MARCHF1: variants seen among roughly 807,000 people sequenced by gnomAD.
The protein encoded by MARCHF1 is E3 ubiquitin-protein ligase MARCHF1.
A neutral mutation model predicts 54.2 loss-of-function variants in MARCHF1; 40 were observed. The observed-to-expected ratio is 0.74, with a 90% CI of 0.57 to 0.96. The LOEUF is 0.96. Ranked by LOEUF, MARCHF1 falls within the 40% of genes least tolerant of loss-of-function variation. MARCHF1 has a pLI of 0.00. For missense variants in MARCHF1, 586 were observed against 656.5 expected, an observed-to-expected ratio of 0.89 and a Z score of 1.17; for synonymous variants, 236 against 236.3, an observed-to-expected ratio of 1.00 and a Z score of 0.01.
chr4:163,742,986 A>C (rs1746253273), intron 4 of MARCHF1, among the ~76,000 whole-genome samples: 1 of 152,224 alleles, frequency 6.6e-6, no homozygotes, highest in South Asian at 2.1e-4. Context: ...GAAACTAAAA[A>C]ATTGACATTT....
chr4:164,351,398 C>T (rs548716456), intron 1 of MARCHF1, among the ~76,000 whole-genome samples: 36 of 151,192 alleles, frequency 2.4e-4, no homozygotes, highest in Admixed American at 1.4e-3. Flanking sequence ...GTTCTCCCAG[C>T]AGGCAGCTGG....
intron 1 of MARCHF1, among the ~76,000 whole-genome samples, chr4:164,213,312 A>C (rs1276771283): frequency 6.6e-6 from 1 of 151,218 alleles, no homozygotes; most frequent in African/African-American, 2.4e-5. Context: ...CTGCTCACTG[A>C]AAGCTCCGCC....
At chr4:163,964,944 A>C (rs976362541) in intron 3 of MARCHF1, among the ~76,000 whole-genome samples, 3 of 152,030 alleles carry the variant, frequency 2.0e-5, no homozygotes, top group African/African-American at 7.2e-5. Context: ...GTATCTAACA[A>C]TTTTTAAGTA....
Position 164,159,064 on chromosome 4 carries a change from A to G in MARCHF1, c.-322-47402T>C, listed in dbSNP as rs116844279. Among the ~76,000 whole-genome samples, 150 of 152,310 alleles carry G rather than the reference A, an allele frequency of 9.8e-4. 4 individuals are homozygous for G. In the East Asian group the frequency reaches 0.026, roughly 27 times the overall value. On this transcript the variant is annotated intron_variant, in intron 1 of 9. Transcript: ENST00000514618. ...AGAACACAGGCTCTGCAATTAGACA[A>G]ACTTTTCTATTTCATGATTGACTTG...
At chr4:164,042,982 TCC>T (rs1196289178) in intron 2 of MARCHF1, among the ~76,000 whole-genome samples, 2 of 152,200 alleles carry the variant, frequency 1.3e-5, no homozygotes, top group Non-Finnish European at 2.9e-5. Context: ...AGGAGGGGGC[TCC>T]TAAGGCCTTG....
intron 8 of MARCHF1, among the ~76,000 whole-genome samples, chr4:163,554,526 G>A (rs1205851043): frequency 6.6e-6 from 1 of 152,196 alleles, no homozygotes; most frequent in Non-Finnish European, 1.5e-5. Flanking sequence ...AGAGAGGCTT[G>A]GAGCGAAGCA....
chr4:164,045,531 A>T (rs1442442784), intron 2 of MARCHF1, among the ~76,000 whole-genome samples: 1 of 151,364 alleles, frequency 6.6e-6, no homozygotes, highest in East Asian at 1.9e-4. Context: ...AAATAAATAA[A>T]TAAATAAATA....
chr4:163,922,603 A>G (rs1354194492), intron 3 of MARCHF1, among the ~76,000 whole-genome samples: 1 of 152,180 alleles, frequency 6.6e-6, no homozygotes, highest in East Asian at 1.9e-4. Flanking sequence ...GAGCAATTTG[A>G]TTACTTAGGT....
chr4:163,929,549 C>T (rs992722446), intron 3 of MARCHF1, among the ~76,000 whole-genome samples: 2 of 151,542 alleles, frequency 1.3e-5, no homozygotes, highest in African/African-American at 2.4e-5. Flanking sequence ...TATTTTTTTT[C>T]CCTTCATCAG....
chr4:164,030,812 T>A (rs545693895), intron 2 of MARCHF1, among the ~76,000 whole-genome samples: 1 of 152,152 alleles, frequency 6.6e-6, no homozygotes, highest in Admixed American at 6.5e-5. Context: ...GGGAGGAAAT[T>A]TTTACTGAGA....
intron 3 of MARCHF1, among the ~76,000 whole-genome samples, chr4:163,868,399 C>T (rs1054851423): frequency 6.6e-6 from 1 of 151,864 alleles, no homozygotes; most frequent in African/African-American, 2.4e-5. Context: ...CTGCAAATCT[C>T]TTTAAATACA....
At chr4:164,100,898 G>T (rs1474686040) in intron 2 of MARCHF1, among the ~76,000 whole-genome samples, 1 of 152,154 alleles carries the variant, frequency 6.6e-6, no homozygotes, top group Non-Finnish European at 1.5e-5. Flanking sequence ...CAGGTCAGTG[G>T]GTGCGCGCAC....
At chr4:163,718,672 G>A (rs1484650384) in intron 4 of MARCHF1, among the ~76,000 whole-genome samples, 2 of 152,120 alleles carry the variant, frequency 1.3e-5, no homozygotes, top group African/African-American at 2.4e-5. Flanking sequence ...GTCAGTTGTG[G>A]TTAACAAGCC....
chr4:163,921,795 T>C (rs1751436043), intron 3 of MARCHF1, among the ~76,000 whole-genome samples: 1 of 152,154 alleles, frequency 6.6e-6, no homozygotes, highest in Non-Finnish European at 1.5e-5. Context: ...GTTAATAGAC[T>C]TTGAAGTTGG....
intron 2 of MARCHF1, among the ~76,000 whole-genome samples, chr4:164,016,064 C>T (rs1443629753): frequency 6.6e-6 from 1 of 152,088 alleles, no homozygotes; most frequent in Admixed American, 6.6e-5. Context: ...CCTCAGTATC[C>T]ATTAATGGAT....
At chr4:163,633,675 G>C (rs1742194912) in intron 5 of MARCHF1, among the ~76,000 whole-genome samples, 1 of 152,304 alleles carries the variant, frequency 6.6e-6, no homozygotes, top group South Asian at 2.1e-4. Flanking sequence ...ACACTCTGCA[G>C]GATATTATCC....
chr4:163,696,580 T>C (rs1744641423), intron 5 of MARCHF1, among the ~76,000 whole-genome samples: 1 of 152,158 alleles, frequency 6.6e-6, no homozygotes, highest in African/African-American at 2.4e-5. Context: ...TAGATTGAGA[T>C]TGTATGACCT....
intron 2 of MARCHF1, among the ~76,000 whole-genome samples, chr4:164,095,323 C>T (rs537638759): frequency 1.3e-5 from 2 of 151,954 alleles, no homozygotes; most frequent in Admixed American, 6.6e-5. Context: ...GCATATATGA[C>T]TAGTGTGATT....
intron 4 of MARCHF1, among the ~76,000 whole-genome samples, chr4:163,785,243 G>GA (rs1216765987): frequency 7.2e-5 from 11 of 152,034 alleles, no homozygotes; most frequent in Admixed American, 1.3e-4. Flanking sequence ...TAGTCACAAA[G>GA]AAAAAAATGA....
Sources: allele counts gnomAD v4.1 joint callset (sites outside exome capture counted in the v4.1 genomes callset), GRCh38; gene constraint gnomAD v4.1.1; transcripts MANE v1.5; gene names NCBI Gene and HGNC (gene_info 2026-07-23, HGNC 2026-07-21).